Variants in KCNJ6 observed in about 807,000 individuals in gnomAD.
The protein encoded by KCNJ6 is G protein-activated inward rectifier potassium channel 2.
In KCNJ6, 9 loss-of-function variants were observed where a neutral mutation model predicts 34.2. That is an observed-to-expected ratio of 0.26 (90% CI 0.16 to 0.46). The LOEUF is 0.46. KCNJ6 is among the 20% of genes least tolerant of loss of function. The pLI is 1.00. For missense variants in KCNJ6, 236 were observed against 531.3 expected, an observed-to-expected ratio of 0.44 and a Z score of 5.46; for synonymous variants, 196 against 207.1, an observed-to-expected ratio of 0.95 and a Z score of 0.46.
chr21:37,827,695 G>A (rs1448765888), intron 2 of KCNJ6, among the ~76,000 whole-genome samples: 1 of 151,802 alleles, frequency 6.6e-6, no homozygotes. Context: ...GCCTGATATG[G>A]GACAGTTGCT....
intron 1 of KCNJ6, among the ~76,000 whole-genome samples, chr21:37,900,084 G>A (rs2055809181): frequency 6.6e-6 from 1 of 152,188 alleles, no homozygotes; most frequent in Non-Finnish European, 1.5e-5. Flanking sequence ...ATGTTAGAAT[G>A]TAAATAGGCA....
Position 37,729,337 on chromosome 21 carries a change from G to A in KCNJ6, c.26-14206C>T, listed in dbSNP as rs372612469. ...ATACCCTGATTCTTCTTCTTTTTGG[G>A]GGGGGGGGCAGGGTCTCACTCTGTC... On this transcript the variant is annotated intron_variant, in intron 2 of 3. Coordinates refer to ENST00000609713, the MANE Select transcript of KCNJ6 (RefSeq NM_002240.5). Among the ~76,000 whole-genome samples, 342 of 62,528 alleles carry A rather than the reference G, an allele frequency of 5.5e-3. 3 individuals carry two copies. Among genetic ancestry groups the A allele is most frequent in the African/African-American group, 0.017 (324 of 18,816 alleles). The allele number at this position is 62,528 out of a possible 152,430, so 41.0% of individuals were successfully genotyped here.
At chr21:37,887,561 T>C (rs1389854116) in intron 1 of KCNJ6, among the ~76,000 whole-genome samples, 1 of 152,198 alleles carries the variant, frequency 6.6e-6, no homozygotes, top group Non-Finnish European at 1.5e-5. Context: ...AGCTGTAACC[T>C]AAATCTCAGG....
intron 3 of KCNJ6, among the ~76,000 whole-genome samples, chr21:37,657,215 G>A (rs2054468357): frequency 6.6e-6 from 1 of 152,182 alleles, no homozygotes; most frequent in Non-Finnish European, 1.5e-5. Context: ...GGCCTGTGCT[G>A]GCTAGAGTCA....
intron 2 of KCNJ6, among the ~76,000 whole-genome samples, chr21:37,734,415 C>CT (rs1286947162): frequency 6.6e-6 from 1 of 152,070 alleles, no homozygotes; most frequent in Non-Finnish European, 1.5e-5. Flanking sequence ...GGAGAGAGCA[C>CT]CAGCGAGGAG....
At chr21:37,752,980 T>C (rs1202753207) in intron 2 of KCNJ6, among the ~76,000 whole-genome samples, 1 of 151,898 alleles carries the variant, frequency 6.6e-6, no homozygotes, top group Non-Finnish European at 1.5e-5. Flanking sequence ...GTAGCCAAAG[T>C]GAGAGAAAAG....
At chr21:37,807,098 G>T (rs906424971) in intron 2 of KCNJ6, among the ~76,000 whole-genome samples, 1 of 152,138 alleles carries the variant, frequency 6.6e-6, no homozygotes, top group African/African-American at 2.4e-5. Context: ...TTGCTATGAA[G>T]ATTGGCTTAT....
At chr21:37,651,188 C>T (rs376706229) in intron 3 of KCNJ6, among the ~76,000 whole-genome samples, 20 of 152,266 alleles carry the variant, frequency 1.3e-4, no homozygotes, top group Admixed American at 5.2e-4. Context: ...TGTCACACTA[C>T]AGGGGGGTGG....
In KCNJ6 at chr21:37,617,262, A is replaced by G. The variant is rs111576572; in HGVS notation, c.*7897T>C. 46,165 of 146,016 alleles carry G rather than the reference A, an allele frequency of 0.32. 7,416 individuals carry two copies. Among genetic ancestry groups the G allele is most frequent in the South Asian group, 0.35 (1,621 of 4,606 alleles). 9.0% of individuals were successfully genotyped at this position (146,016 alleles called of 1,614,324 possible). ...GAGACTGAGTCTCGCTCCGTGGCCC[A>G]GGCTGGAGTGCAGTGGCATGATCTC... On this transcript the variant is annotated 3_prime_UTR_variant, in exon 4 of 4. Coordinates refer to ENST00000609713, the MANE Select transcript of KCNJ6 (RefSeq NM_002240.5).
intron 2 of KCNJ6, among the ~76,000 whole-genome samples, chr21:37,758,529 G>A (rs778956889): frequency 2.6e-5 from 4 of 152,108 alleles, no homozygotes; most frequent in African/African-American, 4.8e-5. Flanking sequence ...CAAGATTATC[G>A]ACCATTCACA....
chr21:37,814,378 TA>T (rs1568858448), intron 2 of KCNJ6, among the ~76,000 whole-genome samples: 1 of 152,100 alleles, frequency 6.6e-6, no homozygotes, highest in East Asian at 1.9e-4. Flanking sequence ...GGAGGTTCCT[TA>T]AAAAACTAAA....
Position 37,859,485 on chromosome 21 carries a change from CTTTATATATA to C in KCNJ6, c.-27-18786_-27-18777del, listed in dbSNP as rs1229389992. The stretch of plus-strand genomic sequence containing the variant: ...CAATTTTAACTATGGGCTTATATTA[CTTTATATATA>C]TATATATATATATATATATATATAT... On this transcript the variant is annotated intron_variant, in intron 1 of 3. Coordinates refer to ENST00000609713, the MANE Select transcript of KCNJ6 (RefSeq NM_002240.5). Among the ~76,000 whole-genome samples the C allele has an allele frequency of 5.7e-3, 114 of 20,076 alleles. 6 individuals carry two copies. Among genetic ancestry groups the C allele is most frequent in the African/African-American group, 0.022 (108 of 4,858 alleles). 13.2% of individuals were successfully genotyped at this position (20,076 alleles called of 152,430 possible). A position where few individuals can be genotyped will look rare whatever the true frequency, so the allele number is the denominator to read the frequency against.
At chr21:37,780,604 G>A (rs2055164777) in intron 2 of KCNJ6, among the ~76,000 whole-genome samples, 1 of 152,064 alleles carries the variant, frequency 6.6e-6, no homozygotes, top group Non-Finnish European at 1.5e-5. Flanking sequence ...CAGGTAATAG[G>A]GGAATGCTCT....
At chr21:37,709,226 T>C (rs2054737103) in intron 3 of KCNJ6, among the ~76,000 whole-genome samples, 1 of 152,198 alleles carries the variant, frequency 6.6e-6, no homozygotes. Context: ...AAATATCAGT[T>C]GTTGACTGGG....
At chr21:37,710,063 GA>G (rs35973165) in intron 3 of KCNJ6, among the ~76,000 whole-genome samples, 1 of 149,746 alleles carries the variant, frequency 6.7e-6, no homozygotes, top group African/African-American at 2.5e-5. Flanking sequence ...AAACTTATTG[GA>G]AAAAAAAACA....
chr21:37,705,685 C>T (rs1004147431), intron 3 of KCNJ6, among the ~76,000 whole-genome samples: 2 of 152,164 alleles, frequency 1.3e-5, no homozygotes, highest in African/African-American at 4.8e-5. Context: ...TACTCAATCA[C>T]AGGGATAGTC....
At position 37,844,080 on chromosome 21, in the gene KCNJ6, G is replaced by A. The variant is rs757830748; in HGVS notation, c.-27-3371C>T. ...ATATTTTGCATTTTTTTTTTTTTGA[G>A]ATGGAGTCTTGCTCTGTTGCCAGGC... On this transcript the variant is annotated intron_variant, in intron 1 of 3. Transcript: ENST00000609713. Among the ~76,000 whole-genome samples, 10 of 128,118 alleles carry A rather than the reference G, an allele frequency of 7.8e-5. No homozygotes were observed. The South Asian group carries it at 9.2e-4, about 12-fold the overall frequency. 84.1% of individuals were successfully genotyped at this position (128,118 alleles called of 152,430 possible).
At chr21:37,769,532 G>A (rs1191892753) in intron 2 of KCNJ6, among the ~76,000 whole-genome samples, 1 of 151,754 alleles carries the variant, frequency 6.6e-6, no homozygotes, top group Admixed American at 6.6e-5. Flanking sequence ...TGCAACGGCT[G>A]CTAGGACCCA....
At chr21:37,644,794 C>T (rs199911270) in intron 3 of KCNJ6, among the ~76,000 whole-genome samples, 1 of 152,262 alleles carries the variant, frequency 6.6e-6, no homozygotes, top group Middle Eastern at 3.4e-3. Context: ...CCAGTTTGTA[C>T]CCTGCTTTGT....
Sources: allele counts gnomAD v4.1 joint callset (sites outside exome capture counted in the v4.1 genomes callset), GRCh38; gene constraint gnomAD v4.1.1; transcripts MANE v1.5; gene names NCBI Gene and HGNC (gene_info 2026-07-23, HGNC 2026-07-21).